The following LDAH variants were observed in gnomAD, a reference collection of about 807,000 sequenced individuals.
LDAH encodes lipid droplet-associated hydrolase.
A neutral mutation model predicts 29.6 loss-of-function variants in LDAH; 26 were observed. The observed-to-expected ratio is 0.88, with a 90% CI of 0.64 to 1.22. LDAH has a LOEUF of 1.22. LDAH is among the 50% of genes most tolerant of loss of function. The pLI is 0.00. For synonymous variants in LDAH, 117 were observed against 133.0 expected (o/e 0.88, Z 0.83); for missense variants, 344 against 387.3 (o/e 0.89, Z 0.94).
chr2:20,739,908 G>C (rs1667054640), intron 5 of LDAH, 63 bp downstream of exon 5: 16 of 1,264,924 alleles, frequency 1.3e-5, no homozygotes, highest in Non-Finnish European at 1.6e-5. Flanking sequence ...CACTGTCAGA[G>C]AGTATTGTGT....
At chr2:20,790,207 T>G in intron 3 of LDAH, 48 bp downstream of exon 3, 2 of 1,590,594 alleles carry the variant, frequency 1.3e-6, no homozygotes, top group Non-Finnish European at 1.7e-6. Flanking sequence ...GCTAGAAACA[T>G]GACCCTGCAC....
At chr2:20,817,687 G>C (rs1451374631) in intron 1 of LDAH, among the ~76,000 whole-genome samples, 1 of 152,116 alleles carries the variant, frequency 6.6e-6, no homozygotes, top group Admixed American at 6.5e-5. Context: ...GGGGAAAAAT[G>C]TATGTTCACT....
At chr2:20,682,908 T>C (rs1484692340), downstream of LDAH, among the ~76,000 whole-genome samples, 5 of 152,210 alleles carry the variant, frequency 3.3e-5, no homozygotes, top group Admixed American at 6.5e-5. Flanking sequence ...GAGGCCTAAG[T>C]GAGACACTGT....
At chr2:20,798,370 CTGACTGA>C (rs1373915980) in intron 2 of LDAH, among the ~76,000 whole-genome samples, 1 of 152,104 alleles carries the variant, frequency 6.6e-6, no homozygotes. Flanking sequence ...ATTCTGAAAA[CTGACTGA>C]TGACTCAAAT....
At chr2:20,750,223 A>G (rs989485828) in intron 4 of LDAH, among the ~76,000 whole-genome samples, 1 of 151,984 alleles carries the variant, frequency 6.6e-6, no homozygotes, top group Non-Finnish European at 1.5e-5. Context: ...ACGGGGTTTC[A>G]CCACATAGGC....
intron 5 of LDAH, among the ~76,000 whole-genome samples, chr2:20,714,251 G>C (rs1664989752): frequency 6.6e-6 from 1 of 152,142 alleles, no homozygotes; most frequent in Admixed American, 6.5e-5. Context: ...ACAACTACAT[G>C]GAAACTGAAC....
chr2:20,750,988 T>C (rs1667931133), intron 4 of LDAH, among the ~76,000 whole-genome samples: 1 of 152,148 alleles, frequency 6.6e-6, no homozygotes, highest in Non-Finnish European at 1.5e-5. Context: ...ATGGGAACAA[T>C]AAACACTATG....
intron 4 of LDAH, among the ~76,000 whole-genome samples, chr2:20,754,020 T>A (rs535731949): frequency 2.6e-5 from 4 of 152,060 alleles, no homozygotes; most frequent in Non-Finnish European, 5.9e-5. Context: ...GAATATTGAG[T>A]TCTAATGGGT....
chr2:20,697,005 T>A (rs1663542031), intron 6 of LDAH, among the ~76,000 whole-genome samples: 1 of 152,186 alleles, frequency 6.6e-6, no homozygotes, highest in Non-Finnish European at 1.5e-5. Context: ...TAGGCTGCTA[T>A]TACCCATGCT....
intron 6 of LDAH, among the ~76,000 whole-genome samples, chr2:20,690,669 T>C (rs1379182179): frequency 6.6e-6 from 1 of 151,680 alleles, no homozygotes; most frequent in Non-Finnish European, 1.5e-5. Context: ...AATGAGAAAG[T>C]ATGGAGTGTG....
chr2:20,816,275 C>T (rs1672844226), intron 1 of LDAH, among the ~76,000 whole-genome samples: 1 of 152,052 alleles, frequency 6.6e-6, no homozygotes, highest in South Asian at 2.1e-4. Flanking sequence ...AGCCCTAACA[C>T]AGCAATTACT....
chr2:20,798,869 G>C (rs1382161649), intron 2 of LDAH, among the ~76,000 whole-genome samples: 1 of 152,018 alleles, frequency 6.6e-6, no homozygotes, highest in East Asian at 1.9e-4. Context: ...GCAACAGAGA[G>C]AGACTCCATC....
chr2:20,797,746 A>T (rs913766850), intron 2 of LDAH, among the ~76,000 whole-genome samples: 1 of 152,256 alleles, frequency 6.6e-6, no homozygotes, highest in Non-Finnish European at 1.5e-5. Flanking sequence ...AAAAAGGAAC[A>T]CAGTGAAAAT....
At chr2:20,750,023 CTTT>C (rs147397062) in intron 4 of LDAH, among the ~76,000 whole-genome samples, 7 of 127,062 alleles carry the variant, frequency 5.5e-5, no homozygotes, top group Admixed American at 1.7e-4. Flanking sequence ...CCTTACTAAA[CTTT>C]TTTTTTTTTT....
intron 2 of LDAH, among the ~76,000 whole-genome samples, chr2:20,798,901 C>T (rs143960762): frequency 6.6e-6 from 1 of 151,518 alleles, no homozygotes; most frequent in African/African-American, 2.4e-5. Flanking sequence ...CAAAAGACAA[C>T]TGAAGAAGAA....
intron 3 of LDAH, among the ~76,000 whole-genome samples, chr2:20,783,451 C>T (rs1670341272): frequency 2.0e-5 from 3 of 152,162 alleles, no homozygotes; most frequent in Admixed American, 2.0e-4. Flanking sequence ...AGTTTTGCCT[C>T]CTGCATTCTG....
Position 20,687,047 on chromosome 2 carries a change from G to T in LDAH, c.834C>A (p.Tyr278Ter). The change falls in exon 7 of 7, where the codon TAC becomes TAA. Residue 278 changes from tyrosine to a stop codon, truncating the protein, a stop_gained. Coordinates refer to ENST00000237822, the MANE Select transcript of LDAH (RefSeq NM_021925.4). LOFTEE classifies it high-confidence loss of function. Reference sequence around the variant, plus strand: ...GAAAATCCTTCTTAATGTCTTCATAGTACTCTTTTGGACACCAAGGATCTA... The same window carrying T: ...GAAAATCCTTCTTAATGTCTTCATATTACTCTTTTGGACACCAAGGATCTA... ...GTIDPWCPKE[Y>*]YEDIKKDFPE... 1 of 1,614,034 alleles carries T rather than the reference G, an allele frequency of 6.2e-7. No homozygotes were observed. Among genetic ancestry groups the T allele is most frequent in the Non-Finnish European group, 8.5e-7 (1 of 1,179,950 alleles).
At chr2:20,710,642 AG>A (rs1465645061) in intron 5 of LDAH, among the ~76,000 whole-genome samples, 24,069 of 138,054 alleles carry the variant, frequency 0.17, 2,372 homozygotes, top group Admixed American at 0.21. Context: ...ATAGATATAT[AG>A]TATACATATA....
intron 2 of LDAH, among the ~76,000 whole-genome samples, chr2:20,793,220 G>GTC (rs1671088820): frequency 6.6e-6 from 1 of 152,122 alleles, no homozygotes; most frequent in African/African-American, 2.4e-5. Flanking sequence ...GAGATAAAGA[G>GTC]TGTGAGAACT....
Sources: allele counts gnomAD v4.1 joint callset (sites outside exome capture counted in the v4.1 genomes callset), GRCh38; gene constraint gnomAD v4.1.1; transcripts MANE v1.5; gene names NCBI Gene and HGNC (gene_info 2026-07-23, HGNC 2026-07-21).